Variants in SERPINI1 observed in about 807,000 individuals in gnomAD.
The protein encoded by SERPINI1 is neuroserpin.
A neutral mutation model predicts 41.1 loss-of-function variants in SERPINI1; 19 were observed. That is an observed-to-expected ratio of 0.46 (90% CI 0.32 to 0.68). The LOEUF (loss-of-function observed/expected upper bound fraction) is 0.68, where lower values mean the gene tolerates loss of function less well. Ranked by LOEUF, SERPINI1 falls within the 30% of genes least tolerant of loss-of-function variation. SERPINI1 has a pLI of 0.03. For missense variants in SERPINI1, 460 were observed against 479.2 expected (o/e 0.96, Z 0.37); for synonymous variants, 138 against 156.6 (o/e 0.88, Z 0.89).
intron 1 of SERPINI1, among the ~76,000 whole-genome samples, chr3:167,785,296 G>T (rs1001299789): frequency 6.6e-6 from 1 of 152,148 alleles, no homozygotes; most frequent in African/African-American, 2.4e-5. Flanking sequence ...TAATAATTTT[G>T]CAGAGTGCGG....
At chr3:167,806,993 A>AT (rs1375121405) in intron 5 of SERPINI1, among the ~76,000 whole-genome samples, 1 of 152,164 alleles carries the variant, frequency 6.6e-6, no homozygotes, top group Non-Finnish European at 1.5e-5. Flanking sequence ...GTTGTACCAT[A>AT]TATTATGGTT....
intron 1 of SERPINI1, among the ~76,000 whole-genome samples, chr3:167,748,090 T>C (rs1725922617): frequency 1.3e-5 from 2 of 151,766 alleles, no homozygotes; most frequent in South Asian, 4.1e-4. Context: ...CAAAAAAGTG[T>C]GATCAAAACA....
At chr3:167,740,020 C>CTTT (rs141718664) in intron 1 of SERPINI1, among the ~76,000 whole-genome samples, 50 of 140,128 alleles carry the variant, frequency 3.6e-4, no homozygotes, top group African/African-American at 5.8e-4. Flanking sequence ...CTGCCTTTTT[C>CTTT]TTTTTTTTTT....
chr3:167,785,678 A>G (rs1727281553), intron 1 of SERPINI1, among the ~76,000 whole-genome samples: 2 of 152,234 alleles, frequency 1.3e-5, no homozygotes, highest in African/African-American at 2.4e-5. Context: ...TATTATTATT[A>G]TCATCTCATG....
chr3:167,753,100 G>C (rs747221983), intron 1 of SERPINI1, among the ~76,000 whole-genome samples: 1 of 152,094 alleles, frequency 6.6e-6, no homozygotes, highest in African/African-American at 2.4e-5. Flanking sequence ...CCAGTACACA[G>C]TGGATGCTCT....
Position 167,790,591 on chromosome 3 carries a change from A to G in SERPINI1, c.470A>G (p.Asn157Ser). 6.2e-7 allele frequency: 1 copy of G among 1,612,298 alleles called. No individual in the cohort carries two copies. Among genetic ancestry groups the G allele is most frequent in the Non-Finnish European group, 8.5e-7 (1 of 1,178,460 alleles). The change falls in exon 3 of 9, where the codon AAT becomes AGT. Residue 157 changes from asparagine to serine, a missense_variant. By Grantham distance (46) the Asn-to-Ser change is conservative. Coordinates refer to ENST00000446050, the MANE Select transcript of SERPINI1 (RefSeq NM_001122752.2). Reference sequence around the variant, plus strand: ...AACTACATCAATAAGTGGGTGGAGAATAACACAAACAGTATGTCACTTGGT... The same window carrying G: ...AACTACATCAATAAGTGGGTGGAGAGTAACACAAACAGTATGTCACTTGGT... ...VANYINKWVE[N>S]NTNNLVKDLV... is the part of the protein sequence containing the mutation.
intron 1 of SERPINI1, among the ~76,000 whole-genome samples, chr3:167,785,576 A>G (rs939519406): frequency 6.6e-6 from 1 of 152,218 alleles, no homozygotes; most frequent in African/African-American, 2.4e-5. Context: ...CTGCATTTCC[A>G]TTAATAAAAT....
At chr3:167,790,780 AT>A (rs936653424) in intron 3 of SERPINI1, among the ~76,000 whole-genome samples, 178 bp downstream of exon 3, 15 of 152,230 alleles carry the variant, frequency 9.9e-5, no homozygotes, top group African/African-American at 3.6e-4. Flanking sequence ...ATGAATGAAC[AT>A]TTGAGAAAGA....
intron 6 of SERPINI1, among the ~76,000 whole-genome samples, chr3:167,822,291 G>A (rs947347082): frequency 6.6e-6 from 1 of 152,018 alleles, no homozygotes; most frequent in Non-Finnish European, 1.5e-5. Context: ...AAGTACTGGG[G>A]GTTATGACTT....
chr3:167,747,721 T>G (rs912194615), intron 1 of SERPINI1, among the ~76,000 whole-genome samples: 1 of 152,228 alleles, frequency 6.6e-6, no homozygotes, highest in Non-Finnish European at 1.5e-5. Context: ...AACTATATTT[T>G]AATAAACCTG....
intron 1 of SERPINI1, among the ~76,000 whole-genome samples, chr3:167,738,774 T>C (rs1486631814): frequency 2.0e-5 from 3 of 151,004 alleles, no homozygotes; most frequent in Admixed American, 2.0e-4. Context: ...AACCCATAAA[T>C]ATTCAAAATC....
chr3:167,794,133 A>G (rs529229958), intron 4 of SERPINI1, among the ~76,000 whole-genome samples: 22 of 152,130 alleles, frequency 1.4e-4, no homozygotes, highest in Non-Finnish European at 3.1e-4. Context: ...CCAAGGCTTT[A>G]TTTTTCTAAC....
chr3:167,816,439 T>C (rs1712092666), intron 6 of SERPINI1, among the ~76,000 whole-genome samples: 1 of 152,144 alleles, frequency 6.6e-6, no homozygotes, highest in Admixed American at 6.5e-5. Flanking sequence ...ATACCCAAAG[T>C]CTTATAATAT....
At chr3:167,785,277 T>G (rs1391111677) in intron 1 of SERPINI1, among the ~76,000 whole-genome samples, 1 of 152,194 alleles carries the variant, frequency 6.6e-6, no homozygotes. Flanking sequence ...TCTCTCTTAT[T>G]TATTTCCTTA....
rs566056637 is a variant in SERPINI1, at chr3:167,738,596, C to A, written c.-19+2773C>A. On this transcript the variant is annotated intron_variant, in intron 1 of 8. Transcript: ENST00000446050. The stretch of plus-strand genomic sequence containing the variant: ...AATCCATGATTCCATGACCTTTTCT[C>A]CCCCAGTCATTAATTTGTAGAGGCC... Among the ~76,000 whole-genome samples the A allele has an allele frequency of 2.0e-5, 3 of 151,860 alleles. No individual in the cohort carries two copies. In the East Asian group the frequency reaches 5.9e-4, roughly 30 times the overall value.
At chr3:167,807,689 A>G (rs1009238026) in intron 6 of SERPINI1, among the ~76,000 whole-genome samples, 12 of 152,188 alleles carry the variant, frequency 7.9e-5, no homozygotes, top group Non-Finnish European at 1.3e-4. Flanking sequence ...CCATTGTAGT[A>G]AATCATGTAA....
At chr3:167,812,110 C>T (rs1711909777) in intron 6 of SERPINI1, among the ~76,000 whole-genome samples, 1 of 152,174 alleles carries the variant, frequency 6.6e-6, no homozygotes, top group South Asian at 2.1e-4. Context: ...GGCATCCACT[C>T]TTATTTGAGA....
At chr3:167,746,124 G>A (rs957561481) in intron 1 of SERPINI1, among the ~76,000 whole-genome samples, 6 of 152,120 alleles carry the variant, frequency 3.9e-5, no homozygotes, top group African/African-American at 1.4e-4. Context: ...TCAGAGTCAG[G>A]AAATAATTCT....
chr3:167,818,569 T>A (rs1458373917), intron 6 of SERPINI1, among the ~76,000 whole-genome samples: 1 of 152,198 alleles, frequency 6.6e-6, no homozygotes, highest in East Asian at 1.9e-4. Context: ...CTTCTTTTTT[T>A]TAATGAATTT....
Sources: gnomAD v4.1 joint callset for allele counts (sites outside exome capture counted in the v4.1 genomes callset) on GRCh38, gnomAD v4.1.1 for gene constraint, MANE v1.5 for transcripts, NCBI Gene and HGNC (gene_info 2026-07-23, HGNC 2026-07-21) for gene names.